DNAJC21: variants seen among roughly 807,000 people sequenced by gnomAD.
DNAJC21 encodes dnaJ homolog subfamily C member 21.
In DNAJC21, 63 loss-of-function variants were observed where a neutral mutation model predicts 72.4. That is an observed-to-expected ratio of 0.87 (90% CI 0.71 to 1.07). The LOEUF (loss-of-function observed/expected upper bound fraction) is 1.07. Ranked by LOEUF, DNAJC21 falls within the 50% of genes least tolerant of loss-of-function variation. The pLI is 0.00. For synonymous variants in DNAJC21, 203 were observed against 216.7 expected, an observed-to-expected ratio of 0.94 and a Z score of 0.56; for missense variants, 634 against 644.8, an observed-to-expected ratio of 0.98 and a Z score of 0.18.
intron 9 of DNAJC21, among the ~76,000 whole-genome samples, chr5:34,946,177 G>T (rs969637533): frequency 6.6e-6 from 1 of 152,182 alleles, no homozygotes; most frequent in African/African-American, 2.4e-5. Flanking sequence ...TTTTATCTCA[G>T]TTTATTCTGC....
In DNAJC21 at chr5:34,937,367, T is replaced by A; in HGVS notation, c.480T>A (p.Thr160=). The A allele has an allele frequency of 6.2e-7, 1 of 1,613,606 alleles. No homozygotes were observed. The highest frequency in any genetic ancestry group is 8.5e-7 in the Non-Finnish European group (1 of 1,179,892). Residue 160 remains threonine, a synonymous_variant, in exon 5 of 12, where the codon ACT becomes ACA. Transcript: ENST00000648817. ...ACGCTTATTGGCAGAGTTTCTGCAC[T>A]CAAAAGAATTTTGCATGGAAGGAAG... The part of the protein sequence containing the change: ...PFYAYWQSFC[T]QKNFAWKEEY...
At chr5:34,937,265 T>C in intron 4 of DNAJC21, 61 bp from the exon 5 acceptor site, 1 of 1,519,248 alleles carries the variant, frequency 6.6e-7, no homozygotes, top group Admixed American at 2.2e-5. Context: ...CAGTAATATT[T>C]ACTGCTTTTC....
chr5:34,939,352 G>A (rs1044954296), intron 6 of DNAJC21, among the ~76,000 whole-genome samples: 13 of 151,786 alleles, frequency 8.6e-5, no homozygotes, highest in Non-Finnish European at 8.8e-5. Flanking sequence ...TGCAAGCTCC[G>A]CTTCCTGGGT....
chr5:34,951,028 G>A (rs1429845505), intron 10 of DNAJC21: 3 of 985,386 alleles, frequency 3.0e-6, no homozygotes, highest in Non-Finnish European at 3.6e-6. Context: ...AAGTGAGAGA[G>A]CAAAGTGGGA....
At chr5:34,938,109 T>A (rs948889841) in intron 5 of DNAJC21, among the ~76,000 whole-genome samples, 1 of 152,208 alleles carries the variant, frequency 6.6e-6, no homozygotes, top group Non-Finnish European at 1.5e-5. Context: ...AAAATTTTTA[T>A]TTGAATTGGA....
chr5:34,939,129 G>T, intron 6 of DNAJC21, 120 bp downstream of exon 6: 1 of 930,878 alleles, frequency 1.1e-6, no homozygotes, highest in Non-Finnish European at 1.6e-6. Context: ...AATGTTGTAT[G>T]GGCCAAAGGT....
chr5:34,934,338 C>T (rs1002847610), intron 2 of DNAJC21, among the ~76,000 whole-genome samples: 1 of 151,904 alleles, frequency 6.6e-6, no homozygotes, highest in African/African-American at 2.4e-5. Context: ...AAGCGATTCT[C>T]CTGCTTCAGC....
intron 10 of DNAJC21, chr5:34,952,500 C>T (rs1765405409): frequency 6.5e-6 from 1 of 154,860 alleles, no homozygotes; most frequent in Admixed American, 6.6e-5. Flanking sequence ...TCATTATAAC[C>T]CATCCTGTCT....
rs894852544 is a variant in DNAJC21 at position 34,957,993 on chromosome 5, A to G, written c.*3279A>G. ...GATTGGAGAGGAAAAATTAGAGGTG[A>G]TTTTCAGATTTCTTGTTCTATGGAA... On this transcript the variant is annotated 3_prime_UTR_variant, in exon 12 of 12. Coordinates refer to ENST00000648817, the MANE Select transcript of DNAJC21 (RefSeq NM_001012339.3). 1.3e-5 allele frequency: 2 copies of G among 152,106 alleles called. No individual in the cohort carries two copies. Among genetic ancestry groups the G allele is most frequent in the African/African-American group, 4.8e-5 (2 of 41,414 alleles). 9.4% of individuals were successfully genotyped at this position (152,106 alleles called of 1,614,324 possible).
In DNAJC21 at chr5:34,957,091, T is replaced by C. The variant is rs1396772244; in HGVS notation, c.*2377T>C. Reference sequence around the variant, plus strand: ...TTTATAGGAATTTGCTTCCTAAGTCTACTTTTGAAGAGGAAAACAGGAACG... The same window carrying C: ...TTTATAGGAATTTGCTTCCTAAGTCCACTTTTGAAGAGGAAAACAGGAACG... On this transcript the variant is annotated 3_prime_UTR_variant, in exon 12 of 12. Transcript: ENST00000648817. 6.6e-6 allele frequency: 1 copy of C among 152,230 alleles called. No homozygotes were observed. Among genetic ancestry groups the C allele is most frequent in the East Asian group, 1.9e-4 (1 of 5,200 alleles). 9.4% of individuals were successfully genotyped at this position (152,230 alleles called of 1,614,324 possible).
At chr5:34,931,027 C>T (rs1380013530) in intron 1 of DNAJC21, among the ~76,000 whole-genome samples, 1 of 152,100 alleles carries the variant, frequency 6.6e-6, no homozygotes, top group East Asian at 1.9e-4. Flanking sequence ...AAAGTGAACT[C>T]AACAGTATGG....
chr5:34,944,626 C>G (rs768184179), intron 7 of DNAJC21, among the ~76,000 whole-genome samples: 1 of 151,584 alleles, frequency 6.6e-6, no homozygotes, highest in Non-Finnish European at 1.5e-5. Flanking sequence ...AGCTGTGGTA[C>G]GGAAAGAAAG....
rs1765379512 is a variant in DNAJC21 at position 34,951,894 on chromosome 5, ATAGTTCAGC to A, written c.1358+1554_1358+1562del. On this transcript the variant is annotated intron_variant, in intron 10 of 11. Coordinates refer to ENST00000648817, the MANE Select transcript of DNAJC21 (RefSeq NM_001012339.3). ...TTCTCAGGCTTGGGCAACCACTGAT[ATAGTTCAGC>A]TCTCTAATTTCACTGATGTGAGGAA... is the stretch of plus-strand genomic sequence containing the variant. 1.0e-5 allele frequency: 10 copies of A among 985,518 alleles called. No individual in the cohort carries two copies. In the African/African-American group the frequency reaches 1.7e-4, roughly 17 times the overall value. 61.0% of individuals were successfully genotyped at this position (985,518 alleles called of 1,614,324 possible).
intron 2 of DNAJC21, among the ~76,000 whole-genome samples, chr5:34,935,269 A>G (rs957561672): frequency 1.3e-5 from 2 of 152,186 alleles, no homozygotes; most frequent in Non-Finnish European, 2.9e-5. Flanking sequence ...TATGAGAAGC[A>G]ATTGTGTGTG....
At chr5:34,935,996 C>A in intron 3 of DNAJC21, 148 bp from the exon 4 acceptor site, 1 of 1,399,480 alleles carries the variant, frequency 7.1e-7, no homozygotes, top group Non-Finnish European at 9.6e-7. Flanking sequence ...TGTATAAAAA[C>A]CTCTAGTTGA....
chr5:34,956,040 G>A lies in DNAJC21; in HGVS notation c.*1326G>A, dbSNP rs1465607212. 1 of 119,328 alleles carries A rather than the reference G, an allele frequency of 8.4e-6. No homozygotes were observed. Among genetic ancestry groups the A allele is most frequent in the Admixed American group, 1.0e-4 (1 of 9,938 alleles). 7.4% of individuals were successfully genotyped at this position (119,328 alleles called of 1,614,324 possible). On this transcript the variant is annotated 3_prime_UTR_variant, in exon 12 of 12. Coordinates refer to ENST00000648817, the MANE Select transcript of DNAJC21 (RefSeq NM_001012339.3). ...TGCACTCCAGCCTGGGCGACAGAGC[G>A]AGACTCCGTCTCAAAAAAAAAAAAA... is the stretch of plus-strand genomic sequence containing the variant.
At position 34,956,039 on chromosome 5, in the gene DNAJC21, C is replaced by T. The variant is rs1481720929; in HGVS notation, c.*1325C>T. 8 of 113,450 alleles carry T rather than the reference C, an allele frequency of 7.1e-5. No homozygotes were observed. Among genetic ancestry groups the T allele is most frequent in the South Asian group, 3.0e-4 (1 of 3,322 alleles). The allele number at this position is 113,450 out of a possible 1,614,324, so 7.0% of individuals were successfully genotyped here. A position where few individuals can be genotyped will look rare whatever the true frequency, so the allele number is the denominator to read the frequency against. Reference sequence around the variant, plus strand: ...CTGCACTCCAGCCTGGGCGACAGAGCGAGACTCCGTCTCAAAAAAAAAAAA... The same window carrying T: ...CTGCACTCCAGCCTGGGCGACAGAGTGAGACTCCGTCTCAAAAAAAAAAAA... On this transcript the variant is annotated 3_prime_UTR_variant, in exon 12 of 12. Transcript: ENST00000648817.
At chr5:34,954,204 C>A in intron 11 of DNAJC21, 2 of 500,092 alleles carry the variant, frequency 4.0e-6, no homozygotes, top group Non-Finnish European at 6.9e-6. Flanking sequence ...CTAGACTGTA[C>A]CAGAACAGTT....
intron 7 of DNAJC21, 116 bp downstream of exon 7, chr5:34,941,299 A>G: frequency 2.2e-6 from 2 of 908,774 alleles, no homozygotes; most frequent in South Asian, 1.6e-5. Context: ...TTGAACTCAG[A>G]TGATCCTCCC....
Sources: allele counts gnomAD v4.1 joint callset (sites outside exome capture counted in the v4.1 genomes callset), GRCh38; gene constraint gnomAD v4.1.1; transcripts MANE v1.5; gene names NCBI Gene and HGNC (gene_info 2026-07-23, HGNC 2026-07-21).